PTPRD: variants seen among roughly 807,000 people sequenced by gnomAD.
The protein encoded by PTPRD is receptor-type tyrosine-protein phosphatase delta.
Under a neutral mutation model 214.5 loss-of-function variants are expected in PTPRD, and 34 were observed. The observed-to-expected ratio is 0.16, with a 90% CI of 0.12 to 0.21. The LOEUF is 0.21. Among genes scored for constraint, PTPRD ranks in the 10% least tolerant of loss-of-function variants. The pLI is 1.00. For synonymous variants in PTPRD, 1,128 were observed against 845.7 expected (o/e 1.33, Z -5.79); for missense variants, 2,545 against 2,398.7 (o/e 1.06, Z -1.27).
At chr9:8,392,283 G>T (rs1036753151) in intron 36 of PTPRD, among the ~76,000 whole-genome samples, 1 of 151,954 alleles carries the variant, frequency 6.6e-6, no homozygotes, top group Non-Finnish European at 1.5e-5. Context: ...CCGACACTTT[G>T]GGGAGGCTGA....
chr9:8,973,443 A>G (rs374460136), intron 11 of PTPRD, among the ~76,000 whole-genome samples: 1 of 151,826 alleles, frequency 6.6e-6, no homozygotes, highest in Non-Finnish European at 1.5e-5. Context: ...TATGTATCAC[A>G]TTTTCTTTAT....
At chr9:10,008,240 C>G (rs1201541042) in intron 4 of PTPRD, among the ~76,000 whole-genome samples, 2 of 151,908 alleles carry the variant, frequency 1.3e-5, no homozygotes, top group Non-Finnish European at 2.9e-5. Flanking sequence ...TCCCCTCCCT[C>G]CCTGTCAGTA....
chr9:9,931,376 G>T (rs1375905041), intron 5 of PTPRD, among the ~76,000 whole-genome samples: 1 of 152,164 alleles, frequency 6.6e-6, no homozygotes, highest in African/African-American at 2.4e-5. Context: ...CGTGCACCGT[G>T]CGTGAGCCGA....
intron 10 of PTPRD, among the ~76,000 whole-genome samples, chr9:9,094,815 GA>G (rs1240122225): frequency 1.3e-5 from 2 of 152,000 alleles, no homozygotes; most frequent in Non-Finnish European, 2.9e-5. Flanking sequence ...GAAGAGGAGG[GA>G]AAACTTTACG....
intron 39 of PTPRD, among the ~76,000 whole-genome samples, chr9:8,347,754 C>T (rs2074279294): frequency 6.6e-6 from 1 of 152,140 alleles, no homozygotes; most frequent in East Asian, 1.9e-4. Context: ...GAGGAAGAGA[C>T]ACCAGAGATC....
chr9:8,630,934 A>G (rs1044959618), intron 14 of PTPRD, among the ~76,000 whole-genome samples: 5 of 151,952 alleles, frequency 3.3e-5, no homozygotes, highest in African/African-American at 1.2e-4. Flanking sequence ...GGATTTGGAA[A>G]GTGAGAAAAC....
intron 3 of PTPRD, among the ~76,000 whole-genome samples, chr9:10,291,201 A>G (rs746891996): frequency 2.8e-4 from 42 of 151,964 alleles, no homozygotes; most frequent in Admixed American, 1.0e-3. Flanking sequence ...TGAACACTAG[A>G]GTCTCCCTGG....
intron 2 of PTPRD, among the ~76,000 whole-genome samples, chr9:10,559,707 C>T (rs1273833150): frequency 4.6e-5 from 7 of 151,950 alleles, no homozygotes; most frequent in Admixed American, 6.6e-5. Flanking sequence ...CAAACAAATT[C>T]AGAAGAAAAA....
intron 11 of PTPRD, among the ~76,000 whole-genome samples, chr9:8,877,020 G>A (rs1434674213): frequency 1.3e-5 from 2 of 151,460 alleles, no homozygotes; most frequent in Non-Finnish European, 2.9e-5. Context: ...TCTGCCCCCC[G>A]GGTTCAAGTG....
At chr9:9,105,661 A>T (rs187549797) in intron 10 of PTPRD, among the ~76,000 whole-genome samples, 2 of 152,322 alleles carry the variant, frequency 1.3e-5, no homozygotes, top group Admixed American at 1.3e-4. Context: ...ACAAAACAAA[A>T]CACTTGTATA....
At chr9:9,315,946 T>C (rs549262429) in intron 9 of PTPRD, among the ~76,000 whole-genome samples, 205 of 151,098 alleles carry the variant, frequency 1.4e-3, no homozygotes, top group Middle Eastern at 3.2e-3. Flanking sequence ...TTTTAATTAA[T>C]TGACATATAT....
chr9:9,871,730 G>T (rs2153714074), intron 5 of PTPRD, among the ~76,000 whole-genome samples: 1 of 151,434 alleles, frequency 6.6e-6, no homozygotes, highest in Non-Finnish European at 1.5e-5. Context: ...TGGACCCTAA[G>T]ATTATCTTCC....
At chr9:8,703,538 G>A (rs1330627204) in intron 12 of PTPRD, among the ~76,000 whole-genome samples, 3 of 152,010 alleles carry the variant, frequency 2.0e-5, no homozygotes, top group South Asian at 2.1e-4. Context: ...CTATGCATGC[G>A]GCCTCTAGGA....
At chr9:9,663,967 A>T (rs541589957) in intron 7 of PTPRD, among the ~76,000 whole-genome samples, 1 of 151,372 alleles carries the variant, frequency 6.6e-6, no homozygotes, top group South Asian at 2.1e-4. Context: ...TTCATCCTAT[A>T]TAACATATTA....
chr9:10,604,333 C>T (rs911508792), intron 2 of PTPRD, among the ~76,000 whole-genome samples: 8 of 151,840 alleles, frequency 5.3e-5, no homozygotes, highest in Admixed American at 3.3e-4. Context: ...TCAGAATGCA[C>T]TGATGTAATA....
chr9:10,104,355 A>G (rs1402831611), intron 3 of PTPRD, among the ~76,000 whole-genome samples: 2 of 151,798 alleles, frequency 1.3e-5, no homozygotes, highest in African/African-American at 2.4e-5. Flanking sequence ...TAATTAAAAA[A>G]AGAATTTAAT....
At chr9:10,561,533 T>A (rs935288036) in intron 2 of PTPRD, among the ~76,000 whole-genome samples, 5 of 152,086 alleles carry the variant, frequency 3.3e-5, no homozygotes, top group Admixed American at 1.3e-4. Context: ...TCAAAAAAAA[T>A]TTGTTGAATG....
At position 8,606,997 on chromosome 9, in the gene PTPRD, A is replaced by G. The variant is rs1357241151; in HGVS notation, c.352+26320T>C. ...GCCCAATGGGGGCTGGAGCAGACACATAAATCAATGGTAGAATGCTGACTA... is the reference window on the plus strand; with the variant it reads ...GCCCAATGGGGGCTGGAGCAGACACGTAAATCAATGGTAGAATGCTGACTA... On this transcript the variant is annotated intron_variant, in intron 14 of 45. Transcript: ENST00000381196. Among the ~76,000 whole-genome samples the G allele has an allele frequency of 5.3e-5, 8 of 152,204 alleles. No individual in the cohort carries two copies. The East Asian group carries it at 1.5e-3, about 29-fold the overall frequency.
chr9:10,560,394 T>A (rs2063634157), intron 2 of PTPRD, among the ~76,000 whole-genome samples: 1 of 149,944 alleles, frequency 6.7e-6, no homozygotes, highest in Admixed American at 6.7e-5. Context: ...AACATCACAC[T>A]CTGGGGACAG....
Sources: allele counts gnomAD v4.1 joint callset (sites outside exome capture counted in the v4.1 genomes callset), GRCh38; gene constraint gnomAD v4.1.1; transcripts MANE v1.5; gene names NCBI Gene and HGNC (gene_info 2026-07-23, HGNC 2026-07-21).